Variants in CADPS observed in about 807,000 individuals in gnomAD.
CADPS encodes calcium dependent secretion activator.
Under a neutral mutation model 167.3 loss-of-function variants are expected in CADPS, and 57 were observed. That is an observed-to-expected ratio of 0.34 (90% CI 0.28 to 0.42). CADPS has a LOEUF of 0.42. Among genes scored for constraint, CADPS ranks in the 20% least tolerant of loss-of-function variants. The pLI, the probability that CADPS is intolerant of heterozygous loss-of-function variation, is 1.00. For missense variants in CADPS, 1,414 were observed against 1,738.1 expected, an observed-to-expected ratio of 0.81 and a Z score of 3.32; for synonymous variants, 676 against 635.3, an observed-to-expected ratio of 1.06 and a Z score of -0.96.
chr3:62,429,708 AG>A (rs1336077602), intron 28 of CADPS, among the ~76,000 whole-genome samples: 1 of 147,968 alleles, frequency 6.8e-6, no homozygotes, highest in Non-Finnish European at 1.5e-5. Context: ...GTCTGCCATA[AG>A]AAAAAAAAAA....
intron 1 of CADPS, among the ~76,000 whole-genome samples, chr3:62,813,413 T>G (rs2094474092): frequency 6.7e-6 from 1 of 149,292 alleles, no homozygotes; most frequent in Admixed American, 6.6e-5. Context: ...GCTAACCATA[T>G]GCAGAAGAAC....
At chr3:62,835,884 G>C (rs1191633570) in intron 1 of CADPS, among the ~76,000 whole-genome samples, 1 of 152,118 alleles carries the variant, frequency 6.6e-6, no homozygotes, top group Non-Finnish European at 1.5e-5. Flanking sequence ...TTTTGTTACT[G>C]GGGGAGTCAA....
chr3:62,800,613 C>T (rs1322921753), intron 1 of CADPS, among the ~76,000 whole-genome samples: 1 of 152,018 alleles, frequency 6.6e-6, no homozygotes, highest in African/African-American at 2.4e-5. Context: ...TTTGCGTTAT[C>T]CTTGTTAATA....
Position 62,430,293 on chromosome 3 carries a change from C to T in CADPS, c.3777+7811G>A, listed in dbSNP as rs1173659407. Among the ~76,000 whole-genome samples, 4 of 152,152 alleles carry T rather than the reference C, an allele frequency of 2.6e-5. No homozygotes were observed. The East Asian group carries it at 7.7e-4, about 29-fold the overall frequency. On this transcript the variant is annotated intron_variant, in intron 28 of 29. Transcript: ENST00000383710. ...AAAGCAAAGTAATTAATTGTTATCA[C>T]TTACTTGTAATTGTGAAGCCCATGG...
chr3:62,533,712 G>C lies in CADPS; in HGVS notation c.2104-654C>G, dbSNP rs577589423. ...TTAGGGTTGATCTACATACATGCCA[G>C]GACTTCATAAATCCTTTCACTTTGG... On this transcript the variant is annotated intron_variant, in intron 12 of 29. Transcript: ENST00000383710. Among the ~76,000 whole-genome samples the C allele has an allele frequency of 9.2e-5, 14 of 152,226 alleles. No individual in the cohort carries two copies. In the South Asian group the frequency reaches 2.9e-3, roughly 32 times the overall value.
In CADPS at chr3:62,516,596, A is replaced by C. The variant is rs760619126; in HGVS notation, c.2441T>G (p.Leu814Arg). The C allele has an allele frequency of 1.9e-6, 3 of 1,605,964 alleles. No individual in the cohort carries two copies. Among genetic ancestry groups the C allele is most frequent in the Non-Finnish European group, 2.6e-6 (3 of 1,174,530 alleles). ...CATTCTTACCCTTTCCAAGAGTGAG[A>C]GAGTAGCTTTCAAAGCACCTTCAGG... ...GRPEGALKAT[L>R]SLLERVLMKD... Residue 814 changes from leucine (L) to arginine (R), a missense_variant, in exon 15 of 30, where the codon CTC becomes CGC. Coordinates refer to ENST00000383710, the MANE Select transcript of CADPS (RefSeq NM_003716.4).
intron 1 of CADPS, among the ~76,000 whole-genome samples, chr3:62,831,541 A>G (rs1357168569): frequency 1.3e-5 from 2 of 152,136 alleles, no homozygotes; most frequent in African/African-American, 4.8e-5. Flanking sequence ...AAATCACTCA[A>G]TCTCTTTTTA....
At chr3:62,803,279 C>G (rs2093886167) in intron 1 of CADPS, among the ~76,000 whole-genome samples, 1 of 151,082 alleles carries the variant, frequency 6.6e-6, no homozygotes, top group Non-Finnish European at 1.5e-5. Flanking sequence ...ATTAAAGAGC[C>G]TGTAAGACAT....
At chr3:62,728,246 A>C (rs1373082604) in intron 3 of CADPS, among the ~76,000 whole-genome samples, 3 of 151,796 alleles carry the variant, frequency 2.0e-5, no homozygotes, top group African/African-American at 7.3e-5. Flanking sequence ...TCTGTTTGCA[A>C]AGTCCATGTT....
chr3:62,471,840 G>C (rs1472594618), intron 24 of CADPS, among the ~76,000 whole-genome samples: 1 of 151,862 alleles, frequency 6.6e-6, no homozygotes, highest in Non-Finnish European at 1.5e-5. Context: ...AGATGAAAAA[G>C]AAAACCCACA....
chr3:62,757,859 A>C (rs2084368671), intron 2 of CADPS, among the ~76,000 whole-genome samples: 1 of 152,234 alleles, frequency 6.6e-6, no homozygotes, highest in South Asian at 2.1e-4. Context: ...GCATGGCAGC[A>C]GGCAAGAGAG....
intron 6 of CADPS, among the ~76,000 whole-genome samples, chr3:62,612,460 G>A (rs1425087523): frequency 3.3e-5 from 5 of 152,220 alleles, no homozygotes; most frequent in Admixed American, 3.3e-4. Context: ...CTCTACCAGA[G>A]TGTTGCCACT....
intron 1 of CADPS, among the ~76,000 whole-genome samples, chr3:62,839,356 A>AT (rs753154852): frequency 2.6e-5 from 4 of 151,906 alleles, no homozygotes; most frequent in African/African-American, 4.8e-5. Context: ...ACGCCTGGCT[A>AT]TTTTTTGTAT....
At chr3:62,787,244 A>C (rs1245856297) in intron 1 of CADPS, among the ~76,000 whole-genome samples, 1 of 152,114 alleles carries the variant, frequency 6.6e-6, no homozygotes, top group South Asian at 2.1e-4. Context: ...GTAGTGAGCC[A>C]AGATCGCACC....
At chr3:62,491,590 AT>A (rs2063748854) in intron 20 of CADPS, 110 bp from the exon 21 acceptor site, 2 of 680,236 alleles carry the variant, frequency 2.9e-6, no homozygotes, top group Non-Finnish European at 2.2e-6. Flanking sequence ...CACACAGATG[AT>A]TGATTGTCTT....
At chr3:62,626,947 T>C (rs2064200636) in intron 6 of CADPS, among the ~76,000 whole-genome samples, 1 of 152,154 alleles carries the variant, frequency 6.6e-6, no homozygotes, top group African/African-American at 2.4e-5. Context: ...TAAAGATATG[T>C]GTCAGATTTG....
intron 5 of CADPS, among the ~76,000 whole-genome samples, chr3:62,646,466 G>A (rs746860099): frequency 2.0e-5 from 3 of 151,958 alleles, no homozygotes; most frequent in Non-Finnish European, 4.4e-5. Flanking sequence ...GCCACCACGC[G>A]CGGCCAGGCT....
At chr3:62,466,656 T>C (rs2059968785) in intron 24 of CADPS, 2 of 520,974 alleles carry the variant, frequency 3.8e-6, no homozygotes, top group Non-Finnish European at 6.9e-6. Flanking sequence ...TTCTAATGTG[T>C]GTAGACACTT....
chr3:62,560,300 A>G (rs539979721), intron 9 of CADPS, among the ~76,000 whole-genome samples: 1 of 152,288 alleles, frequency 6.6e-6, no homozygotes, highest in East Asian at 1.9e-4. Flanking sequence ...TATTTTTTAA[A>G]CTTCCACAAG....
Sources: allele counts gnomAD v4.1 joint callset (sites outside exome capture counted in the v4.1 genomes callset), GRCh38; gene constraint gnomAD v4.1.1; transcripts MANE v1.5; gene names NCBI Gene and HGNC (gene_info 2026-07-23, HGNC 2026-07-21).